The following AXDND1 variants were observed in gnomAD, a reference collection of about 807,000 sequenced individuals.
The protein encoded by AXDND1 is axonemal dynein light chain domain containing 1, also known as axonemal dynein light chain domain-containing protein 1.
AXDND1 carries 110 observed loss-of-function variants against 137.5 expected under a neutral mutation model. That is an observed-to-expected ratio of 0.80 (90% CI 0.69 to 0.94). AXDND1 has a LOEUF of 0.94. Ranked by LOEUF, AXDND1 falls within the 40% of genes least tolerant of loss-of-function variation. The pLI is 0.00. For missense variants in AXDND1, 1,191 were observed against 1,169.8 expected (o/e 1.02, Z -0.26); for synonymous variants, 414 against 399.7 (o/e 1.04, Z -0.43).
chr1:179,534,613 A>G, intron 24 of AXDND1, 117 bp from the exon 25 acceptor site: 2 of 1,332,252 alleles, frequency 1.5e-6, no homozygotes, highest in Non-Finnish European at 2.0e-6. Context: ...TGCTTCCCTT[A>G]TTTCTACCCT....
chr1:179,519,293 C>T (rs558760901), intron 21 of AXDND1, among the ~76,000 whole-genome samples: 10 of 152,076 alleles, frequency 6.6e-5, no homozygotes, highest in Non-Finnish European at 1.0e-4. Flanking sequence ...AGACCTTTGT[C>T]GGATACATAG....
chr1:179,506,785 A>T, intron 20 of AXDND1: 2 of 844,820 alleles, frequency 2.4e-6, no homozygotes, highest in Non-Finnish European at 2.9e-6. Flanking sequence ...TGCCCTGTGT[A>T]GTCTGCCATC....
chr1:179,514,384 G>C (rs1669328903), intron 21 of AXDND1, among the ~76,000 whole-genome samples: 1 of 152,026 alleles, frequency 6.6e-6, no homozygotes, highest in Non-Finnish European at 1.5e-5. Flanking sequence ...GGTCTTGAAG[G>C]TTCCTTTTGG....
chr1:179,419,758 A>G (rs1233097941), intron 12 of AXDND1, among the ~76,000 whole-genome samples: 1 of 152,126 alleles, frequency 6.6e-6, no homozygotes, highest in African/African-American at 2.4e-5. Context: ...ATTGTTTGCA[A>G]TTGGTATATA....
intron 16 of AXDND1, among the ~76,000 whole-genome samples, chr1:179,460,891 TG>T (rs1485843272): frequency 6.6e-6 from 1 of 152,208 alleles, no homozygotes; most frequent in Non-Finnish European, 1.5e-5. Flanking sequence ...CACTTGTTGA[TG>T]GGGTTGTTTG....
At chr1:179,446,735 G>A (rs1215278331) in intron 16 of AXDND1, among the ~76,000 whole-genome samples, 2 of 151,052 alleles carry the variant, frequency 1.3e-5, no homozygotes, top group Non-Finnish European at 2.9e-5. Flanking sequence ...TGCTTAATAT[G>A]TTCTGAATAC....
chr1:179,486,141 A>AAAAAACAAAAAACTAC (rs1666041733), intron 18 of AXDND1, among the ~76,000 whole-genome samples: 2 of 142,142 alleles, frequency 1.4e-5, no homozygotes, highest in Admixed American at 7.2e-5. Context: ...AAAAAAAAAA[A>AAAAAACAAAAAACTAC]CCTGATAGAA....
intron 16 of AXDND1, among the ~76,000 whole-genome samples, chr1:179,463,904 G>A (rs1204850051): frequency 6.6e-6 from 1 of 152,154 alleles, no homozygotes; most frequent in East Asian, 1.9e-4. Context: ...GATCTTTGTT[G>A]GTTTAAAGTC....
chr1:179,386,891 A>T (rs1304157368), intron 9 of AXDND1, among the ~76,000 whole-genome samples: 1 of 151,400 alleles, frequency 6.6e-6, no homozygotes, highest in African/African-American at 2.4e-5. Flanking sequence ...CACCCAGCTA[A>T]TTTTTTTGTA....
intron 15 of AXDND1, among the ~76,000 whole-genome samples, chr1:179,436,219 A>G (rs1658128986): frequency 6.6e-6 from 1 of 152,228 alleles, no homozygotes; most frequent in Non-Finnish European, 1.5e-5. Flanking sequence ...CTGTGGAGAA[A>G]TGGGAATGCC....
intron 16 of AXDND1, chr1:179,451,812 C>G (rs946090190): frequency 6.5e-6 from 1 of 152,802 alleles, no homozygotes; most frequent in Non-Finnish European, 1.5e-5. Flanking sequence ...TGAGGCTTCC[C>G]CAGCCGCATG....
At chr1:179,423,863 G>A (rs982749398) in intron 12 of AXDND1, among the ~76,000 whole-genome samples, 6 of 152,134 alleles carry the variant, frequency 3.9e-5, no homozygotes, top group African/African-American at 1.4e-4. Context: ...CTTCATACTA[G>A]AGTTATGAGT....
At chr1:179,504,945 G>C (rs111480011) in intron 20 of AXDND1, among the ~76,000 whole-genome samples, 1 of 152,186 alleles carries the variant, frequency 6.6e-6, no homozygotes, top group African/African-American at 2.4e-5. Context: ...CCTCTCAAGG[G>C]TATATCAAGC....
chr1:179,510,640 A>T (rs73038541), intron 21 of AXDND1, among the ~76,000 whole-genome samples: 19,101 of 152,236 alleles, frequency 0.13, 1,374 homozygotes, highest in African/African-American at 0.16. Flanking sequence ...ATCTTGGTGT[A>T]TCAGATCTAG....
At chr1:179,456,109 TG>T (rs1342294456) in intron 16 of AXDND1, 1 of 519,476 alleles carries the variant, frequency 1.9e-6, no homozygotes, top group African/African-American at 1.9e-5. Flanking sequence ...ATGTCTTCTT[TG>T]TAGCACCTAG....
intron 15 of AXDND1, among the ~76,000 whole-genome samples, chr1:179,436,383 C>T (rs374886075): frequency 2.6e-5 from 4 of 152,282 alleles, no homozygotes; most frequent in East Asian, 1.9e-4. Context: ...TGTAAAGACA[C>T]GTGCACATGT....
intron 12 of AXDND1, among the ~76,000 whole-genome samples, chr1:179,411,914 C>T (rs1013741426): frequency 1.3e-5 from 2 of 151,424 alleles, no homozygotes; most frequent in African/African-American, 4.9e-5. Flanking sequence ...GTGAGTGGTG[C>T]AATCACAGCT....
intron 16 of AXDND1, among the ~76,000 whole-genome samples, chr1:179,457,949 T>C (rs887407656): frequency 6.6e-6 from 1 of 152,116 alleles, no homozygotes; most frequent in Non-Finnish European, 1.5e-5. Context: ...GGAAATATCA[T>C]GGGCTGATTT....
At chr1:179,488,696 TTTC>T (rs1666468466) in intron 18 of AXDND1, among the ~76,000 whole-genome samples, 1 of 132,012 alleles carries the variant, frequency 7.6e-6, no homozygotes, top group Non-Finnish European at 1.6e-5. Flanking sequence ...TCTTTCTTTC[TTTC>T]CTCTCTCTGT....
Sources: allele counts gnomAD v4.1 joint callset (sites outside exome capture counted in the v4.1 genomes callset), GRCh38; gene constraint gnomAD v4.1.1; transcripts MANE v1.5; gene names NCBI Gene and HGNC (gene_info 2026-07-23, HGNC 2026-07-21).